The following UIMC1 variants were observed in gnomAD, a reference collection of about 807,000 sequenced individuals.
UIMC1 encodes ubiquitin interaction motif containing 1.
In UIMC1, 42 loss-of-function variants were observed where a neutral mutation model predicts 84.9. The ratio of observed to expected loss-of-function variants is 0.49; its 90% confidence interval spans 0.39 to 0.64. The LOEUF is 0.64. Among genes scored for constraint, UIMC1 ranks in the 30% least tolerant of loss-of-function variants. The pLI, the probability that UIMC1 is intolerant of heterozygous loss-of-function variation, is 0.00. For missense variants in UIMC1, 825 were observed against 847.6 expected (o/e 0.97, Z 0.33); for synonymous variants, 281 against 293.0 (o/e 0.96, Z 0.42).
intron 3 of UIMC1, among the ~76,000 whole-genome samples, chr5:176,975,077 C>T (rs1418875724): frequency 6.6e-6 from 1 of 151,740 alleles, no homozygotes; most frequent in Non-Finnish European, 1.5e-5. Context: ...TTCAAGGCTG[C>T]AGTTAGCTAT....
rs35445945 is a variant in UIMC1 at position 176,998,466 on chromosome 5, CAAAAA to C, written c.-9+8179_-9+8183del. 4.8e-4 allele frequency among the ~76,000 whole-genome samples: 31 copies of C among 64,402 alleles called. No individual in the cohort carries two copies. The Middle Eastern group carries it at 0.057, about 119-fold the overall frequency. The allele number at this position is 64,402 out of a possible 152,430, so 42.3% of individuals were successfully genotyped here. A position where few individuals can be genotyped will look rare whatever the true frequency, so the allele number is the denominator to read the frequency against. On this transcript the variant is annotated intron_variant, in intron 1 of 14. Transcript: ENST00000511320. Reference sequence around the variant, plus strand: ...TGGACGACAGAGCAAGACTCTGTCTCAAAAAAAAAAAAAAAAAAAGTCTGGGTACA... The same window carrying C: ...TGGACGACAGAGCAAGACTCTGTCTCAAAAAAAAAAAAAAGTCTGGGTACA...
At chr5:176,932,672 AT>A (rs1464980833) in intron 10 of UIMC1, among the ~76,000 whole-genome samples, 1 of 152,110 alleles carries the variant, frequency 6.6e-6, no homozygotes, top group Non-Finnish European at 1.5e-5. Context: ...CGTTGGTTTC[AT>A]TTCTATTACT....
intron 1 of UIMC1, among the ~76,000 whole-genome samples, chr5:176,994,653 C>A (rs1489258321): frequency 6.6e-6 from 1 of 152,058 alleles, no homozygotes; most frequent in Non-Finnish European, 1.5e-5. Flanking sequence ...CATCCAAAGG[C>A]TGAGCCCTCA....
Position 176,943,437 on chromosome 5 carries a change from A to G in UIMC1, c.1495T>C (p.Ser499Pro), listed in dbSNP as rs371087922. The G allele has an allele frequency of 1.5e-5, 24 of 1,614,064 alleles. No individual in the cohort carries two copies. Among genetic ancestry groups the G allele is most frequent in the Non-Finnish European group, 2.0e-5 (24 of 1,180,034 alleles). The change falls in exon 10 of 15, where the codon TCC becomes CCC. Residue 499 changes from serine (S) to proline (P), a missense_variant. Transcript: ENST00000511320. ...EKEVAISTFS[S>P]SNQVSCPLCD... is the part of the protein sequence containing the mutation. ...AGCGGGCAGGATACCTGGTTACTGG[A>G]TGAGAAGGTAGAAATAGCTACTTCC...
rs1759184688 is a variant in UIMC1, at chr5:176,905,135, C to T, written c.*147G>A. 5 of 733,980 alleles carry T rather than the reference C, an allele frequency of 6.8e-6. No individual in the cohort carries two copies. The Admixed American group carries it at 1.2e-4, about 18-fold the overall frequency. The allele number at this position is 733,980 out of a possible 1,614,324, so 45.5% of individuals were successfully genotyped here. On this transcript the variant is annotated 3_prime_UTR_variant, in exon 15 of 15. Coordinates refer to ENST00000511320, the MANE Select transcript of UIMC1 (RefSeq NM_001199298.2). ...AGTTGTCTGCATAGATCATAAAAAA[C>T]ATAAAAACCAGAATGCTGGGTAGGT...
rs1343483368 is a variant in UIMC1 at position 176,914,069 on chromosome 5, T to TACCATACCACACCACACCAC, written c.1598-2681_1598-2680insGTGGTGTGGTGTGGTATGGT. Among the ~76,000 whole-genome samples the TACCATACCACACCACACCAC allele has an allele frequency of 2.9e-3, 420 of 144,484 alleles. 4 individuals are homozygous for TACCATACCACACCACACCAC. Among genetic ancestry groups the TACCATACCACACCACACCAC allele is most frequent in the African/African-American group, 0.011 (381 of 35,072 alleles). The allele number at this position is 144,484 out of a possible 152,430, so 94.8% of individuals were successfully genotyped here. A position where few individuals can be genotyped will look rare whatever the true frequency, so the allele number is the denominator to read the frequency against. On this transcript the variant is annotated intron_variant, in intron 10 of 14. Transcript: ENST00000511320. ...TACCATACCATACCATACCATACCA[T>TACCATACCACACCACACCAC]ACCACACCACACCACACCATACCAT...
intron 10 of UIMC1, among the ~76,000 whole-genome samples, chr5:176,937,388 G>A (rs1055621025): frequency 2.0e-5 from 3 of 152,156 alleles, no homozygotes; most frequent in Non-Finnish European, 2.9e-5. Flanking sequence ...CCAGCTACTC[G>A]GGAGACTGAG....
intron 13 of UIMC1, among the ~76,000 whole-genome samples, chr5:176,906,784 C>A (rs1759444189): frequency 6.6e-6 from 1 of 152,220 alleles, no homozygotes; most frequent in South Asian, 2.1e-4. Flanking sequence ...GCAATAATGT[C>A]TGCACATCTA....
chr5:176,937,552 T>C (rs562855091), intron 10 of UIMC1, among the ~76,000 whole-genome samples: 22 of 152,152 alleles, frequency 1.4e-4, no homozygotes, highest in Non-Finnish European at 2.5e-4. Flanking sequence ...TAGTTCTGAA[T>C]AGACAACGTC....
At chr5:176,936,648 C>G (rs1195869491) in intron 10 of UIMC1, among the ~76,000 whole-genome samples, 1 of 152,208 alleles carries the variant, frequency 6.6e-6, no homozygotes, top group African/African-American at 2.4e-5. Flanking sequence ...CTCTCCCTTA[C>G]TTACTCTAAT....
At chr5:177,012,997 C>T (rs1775583961) in intron 1 of UIMC1, among the ~76,000 whole-genome samples, 2 of 151,402 alleles carry the variant, frequency 1.3e-5, no homozygotes, top group African/African-American at 4.9e-5. Context: ...AGGAGGATTG[C>T]TTGAGCCATG....
chr5:176,914,069 T>C (rs146495638), intron 10 of UIMC1, among the ~76,000 whole-genome samples: 1,971 of 144,384 alleles, frequency 0.014, 16 homozygotes, highest in South Asian at 0.025. Flanking sequence ...TACCATACCA[T>C]ACCACACCAC....
chr5:176,907,384 C>A, intron 12 of UIMC1: 1 of 500,062 alleles, frequency 2.0e-6, no homozygotes, highest in Non-Finnish European at 3.6e-6. Flanking sequence ...CCCAGAGTAT[C>A]ATGGATTTAA....
chr5:176,990,725 T>G (rs1277189973), intron 1 of UIMC1, among the ~76,000 whole-genome samples: 1 of 152,126 alleles, frequency 6.6e-6, no homozygotes, highest in Non-Finnish European at 1.5e-5. Context: ...TTGGCTTGAA[T>G]GCAATGTGTA....
At chr5:176,978,822 A>T (rs1045526493) in intron 2 of UIMC1, among the ~76,000 whole-genome samples, 1 of 152,300 alleles carries the variant, frequency 6.6e-6, no homozygotes, top group Non-Finnish European at 1.5e-5. Flanking sequence ...TAAAACCACT[A>T]CTAGTAAATA....
chr5:176,993,958 A>G (rs1773236143), intron 1 of UIMC1, among the ~76,000 whole-genome samples: 1 of 151,962 alleles, frequency 6.6e-6, no homozygotes, highest in Non-Finnish European at 1.5e-5. Context: ...CAGTGAGCCA[A>G]GATCACACCA....
At position 176,969,067 on chromosome 5, in the gene UIMC1, A is replaced by G; in HGVS notation, c.688T>C (p.Cys230Arg). The G allele has an allele frequency of 6.2e-7, 1 of 1,614,222 alleles. No individual in the cohort carries two copies. The highest frequency in any genetic ancestry group is 8.5e-7 in the Non-Finnish European group (1 of 1,180,032). The change falls in exon 6 of 15, where the codon TGT becomes CGT. Residue 230 changes from cysteine (C) to arginine (R), a missense_variant. Cys to Arg is a radical substitution (Grantham distance 180, BLOSUM62 -3). Coordinates refer to ENST00000511320, the MANE Select transcript of UIMC1 (RefSeq NM_001199298.2). ...CTGHSAEHTQ[C>R]GKPQESTGRG... ...CCAGTACTTTCCTGTGGCTTCCCAC[A>G]CTGTGTGTGCTCAGCCGAGTGGCCA...
intron 1 of UIMC1, among the ~76,000 whole-genome samples, chr5:176,985,786 T>C (rs1340430541): frequency 6.6e-6 from 1 of 152,124 alleles, no homozygotes; most frequent in Non-Finnish European, 1.5e-5. Context: ...ATTTACTTTT[T>C]ATTCCTTATA....
At chr5:176,913,470 A>G (rs1401219696) in intron 10 of UIMC1, among the ~76,000 whole-genome samples, 2 of 152,222 alleles carry the variant, frequency 1.3e-5, no homozygotes, top group Non-Finnish European at 2.9e-5. Flanking sequence ...GTTTTCCTTA[A>G]TATGTGTAGC....
Sources: gnomAD v4.1 joint callset for allele counts (sites outside exome capture counted in the v4.1 genomes callset) on GRCh38, gnomAD v4.1.1 for gene constraint, MANE v1.5 for transcripts, NCBI Gene and HGNC (gene_info 2026-07-23, HGNC 2026-07-21) for gene names.